The following FOXM1 variants were observed in gnomAD, a reference collection of about 807,000 sequenced individuals.
The protein encoded by FOXM1 is forkhead box protein M1.
FOXM1 carries 25 observed loss-of-function variants against 63.6 expected under a neutral mutation model. That is an observed-to-expected ratio of 0.39 (90% CI 0.29 to 0.55). The LOEUF (loss-of-function observed/expected upper bound fraction) is 0.55, where lower values mean the gene tolerates loss of function less well. FOXM1 is among the 20% of genes least tolerant of loss of function. The pLI, the probability that FOXM1 is intolerant of heterozygous loss-of-function variation, is 0.60. For synonymous variants in FOXM1, 387 were observed against 376.9 expected (o/e 1.03, Z -0.31); for missense variants, 879 against 958.7 (o/e 0.92, Z 1.10).
rs201504517 is a variant in FOXM1, at chr12:2,859,050, G to A, written c.1880C>T (p.Thr627Met). 3.6e-4 allele frequency: 587 copies of A among 1,608,596 alleles called. 9 individuals carry two copies. The South Asian group carries it at 5.9e-3, about 16-fold the overall frequency. Residue 627 changes from threonine to methionine, a missense_variant, in exon 9 of 9, where the codon ACG becomes ATG. Thr to Met is a moderately conservative substitution (Grantham distance 81). This residue lies in a region of FOXM1 where 486 missense variants were observed against 453.5 expected (regional missense o/e 1.07). Coordinates refer to ENST00000359843, the MANE Select transcript of FOXM1 (RefSeq NM_021953.4). ...LPRTPESWRLTPPAKVGGLDF... is the reference protein window; with the variant it reads ...LPRTPESWRLMPPAKVGGLDF... The stretch of plus-strand genomic sequence containing the variant: ...CAGTCCCCCTACTTTGGCTGGGGGC[G>A]TGAGCCTCCAGGATTCAGGGGTTCT...
rs1422914042 is a variant in FOXM1, at chr12:2,872,867, TATA to T, written c.503-623_503-621del. ...AAAAGTCACTTTTCAGCCTGGGCAA[TATA>T]GTGGGACCCCATCTCTGCAAAAAGA... On this transcript the variant is annotated intron_variant, in intron 2 of 8. Transcript: ENST00000359843. This position sits in a 1 kb window ranked among gnomAD's most constrained non-coding sequence, Gnocchi z 4.0. 6.6e-6 allele frequency among the ~76,000 whole-genome samples: 1 copy of T among 151,610 alleles called. No homozygotes were observed. Among genetic ancestry groups the T allele is most frequent in the African/African-American group, 2.4e-5 (1 of 41,218 alleles).
At position 2,858,561 on chromosome 12, in the gene FOXM1, TCA is replaced by T; in HGVS notation, c.*75_*76del. ...AACAGTCCCTGCCTGCTGTCCTCAC[TCA>T]GAGGCTTGGGGTGCACTGAGCCTTG... On this transcript the variant is annotated 3_prime_UTR_variant, in exon 9 of 9. Transcript: ENST00000359843. 1 of 1,315,378 alleles carries T rather than the reference TCA, an allele frequency of 7.6e-7. No homozygotes were observed. The highest frequency in any genetic ancestry group is 1.1e-6 in the Non-Finnish European group (1 of 950,142). The allele number at this position is 1,315,378 out of a possible 1,614,324, so 81.5% of individuals were successfully genotyped here.
At chr12:2,871,189 C>G (rs896563970) in intron 3 of FOXM1, among the ~76,000 whole-genome samples, 2 of 151,862 alleles carry the variant, frequency 1.3e-5, no homozygotes, top group African/African-American at 4.8e-5. Context: ...CATGTACCCC[C>G]TGAACCTAAA....
intron 8 of FOXM1, chr12:2,861,381 A>G (rs756725604): frequency 1.4e-6 from 1 of 700,292 alleles, no homozygotes; most frequent in Admixed American, 2.1e-5. Context: ...GAACTTACTC[A>G]TGTAACCAAA....
At position 2,872,381 on chromosome 12, in the gene FOXM1, G is replaced by A. The variant is rs2098134701; in HGVS notation, c.503-134C>T. On this transcript the variant is annotated intron_variant, in intron 2 of 8. Transcript: ENST00000359843. This position sits in a 1 kb window ranked among gnomAD's most constrained non-coding sequence, Gnocchi z 4.0. ...TCCTAGCACTTTGGGAGGGCGAGGC[G>A]GGTGGATCTCCTGAGGTCAGGAGTT... 1.3e-5 allele frequency: 11 copies of A among 822,772 alleles called. No homozygotes were observed. The highest frequency in any genetic ancestry group is 2.5e-5 in the Admixed American group (1 of 39,272). The allele number at this position is 822,772 out of a possible 1,614,324, so 51.0% of individuals were successfully genotyped here.
At position 2,874,639 on chromosome 12, in the gene FOXM1, G is replaced by A. The variant is rs2098138999; in HGVS notation, c.-47-114C>T. ...CAGGAACATGAGCCTAAAGGCCCAG[G>A]TAAACATTCCATGGACTTTTGTAAA... On this transcript the variant is annotated intron_variant, in intron 1 of 8. Coordinates refer to ENST00000359843, the MANE Select transcript of FOXM1 (RefSeq NM_021953.4). This position sits in a 1 kb window ranked among gnomAD's most constrained non-coding sequence, Gnocchi z 4.3. 7.1e-6 allele frequency: 5 copies of A among 707,722 alleles called. No homozygotes were observed. Among genetic ancestry groups the A allele is most frequent in the Non-Finnish European group, 9.5e-6 (4 of 423,228 alleles). 43.8% of individuals were successfully genotyped at this position (707,722 alleles called of 1,614,324 possible).
rs2098121272 is a variant in FOXM1, at chr12:2,865,380, G to GGA, written c.993_994dup (p.Pro332LeufsTer23). On this transcript the variant is annotated frameshift_variant, in exon 6 of 9. Coordinates refer to ENST00000359843, the MANE Select transcript of FOXM1 (RefSeq NM_021953.4). LOFTEE classifies it high-confidence loss of function. Reference sequence around the variant, plus strand: ...TGATTCCAAGTGCTCGGGCAATTGTGGAGACCCTGGGTCCAGTGGCTGGTG... The same window carrying GGA: ...TGATTCCAAGTGCTCGGGCAATTGTGGAGAGACCCTGGGTCCAGTGGCTGGTG... The GGA allele has an allele frequency of 6.2e-7, 1 of 1,610,892 alleles. No homozygotes were observed. Among genetic ancestry groups the GGA allele is most frequent in the African/African-American group, 1.3e-5 (1 of 74,790 alleles).
intron 4 of FOXM1, 196 bp downstream of exon 4, chr12:2,868,367 T>A: frequency 2.1e-6 from 1 of 469,264 alleles, no homozygotes; most frequent in Non-Finnish European, 3.7e-6. Context: ...TAGTAACACA[T>A]GAAGTAGTTA....
At chr12:2,866,606 G>C in intron 4 of FOXM1, 85 bp from the exon 5 acceptor site, 2 of 1,391,630 alleles carry the variant, frequency 1.4e-6, no homozygotes, top group Non-Finnish European at 1.9e-6. Context: ...ACCAGCCTCA[G>C]GCCCCTCCCA....
In FOXM1 at chr12:2,865,403, G is replaced by C; in HGVS notation, c.976-4C>G. ...GTGGAGACCCTGGGTCCAGTGGCTG[G>C]TGGCGGCCAGGCATTGTGGGAGAGA... On this transcript the variant is annotated splice_region_variant and splice_polypyrimidine_tract_variant and intron_variant, in intron 5 of 8. Coordinates refer to ENST00000359843, the MANE Select transcript of FOXM1 (RefSeq NM_021953.4). 1.2e-6 allele frequency: 2 copies of C among 1,610,192 alleles called. No homozygotes were observed. Among genetic ancestry groups the C allele is most frequent in the Non-Finnish European group, 1.7e-6 (2 of 1,177,900 alleles).
chr12:2,859,103 G>A lies in FOXM1; in HGVS notation c.1827C>T (p.Ser609=), dbSNP rs2098101558. 6.2e-7 allele frequency: 1 copy of A among 1,606,722 alleles called. No individual in the cohort carries two copies. Among genetic ancestry groups the A allele is most frequent in the African/African-American group, 1.3e-5 (1 of 74,876 alleles). ...KTPIKETLPI[S]STPSKSVLPR... Reference sequence around the variant, plus strand: ...GGAGGACAGATTTGCTCGGGGTGGAGGAGATGGGCAGCGTTTCCTTAATGG... The same window carrying A: ...GGAGGACAGATTTGCTCGGGGTGGAAGAGATGGGCAGCGTTTCCTTAATGG... Residue 609 remains serine (S), a synonymous_variant, in exon 9 of 9, where the codon TCC becomes TCT. Transcript: ENST00000359843.
chr12:2,874,248 G>A lies in FOXM1; in HGVS notation c.231C>T (p.Ala77=). 2 of 1,614,186 alleles carry A rather than the reference G, an allele frequency of 1.2e-6. No individual in the cohort carries two copies. Among genetic ancestry groups the A allele is most frequent in the African/African-American group, 2.7e-5 (2 of 75,042 alleles). The change falls in exon 2 of 9, where the codon GCC becomes GCT. Residue 77 remains alanine, a synonymous_variant. Transcript: ENST00000359843. This position sits in a 1 kb window ranked among gnomAD's most constrained non-coding sequence, Gnocchi z 4.3. ...HPTMPNTQVV[A]IPNNANIHSI... The stretch of plus-strand genomic sequence containing the variant: ...TGTGAATATTAGCATTGTTGGGGAT[G>A]GCCACTACTTGCGTGTTGGGCATGG...
chr12:2,862,438 C>T (rs1294334710), intron 8 of FOXM1, among the ~76,000 whole-genome samples: 1 of 152,080 alleles, frequency 6.6e-6, no homozygotes, highest in Non-Finnish European at 1.5e-5. Context: ...CATGAAAACC[C>T]AAACAGGGCA....
intron 8 of FOXM1, among the ~76,000 whole-genome samples, chr12:2,861,801 T>C (rs1250950650): frequency 6.6e-6 from 1 of 152,208 alleles, no homozygotes; most frequent in Admixed American, 6.5e-5. Flanking sequence ...AGCCACATCA[T>C]GGAATATTAC....
intron 8 of FOXM1, 143 bp from the exon 9 acceptor site, chr12:2,859,806 G>A: frequency 1.5e-6 from 1 of 647,384 alleles, no homozygotes; most frequent in Non-Finnish European, 2.6e-6. Context: ...TGTTGAAGTT[G>A]GTAGTTCAAT....
chr12:2,859,355 C>G lies in FOXM1; in HGVS notation c.1575G>C (p.Arg525=), dbSNP rs2098103486. The G allele has an allele frequency of 6.2e-7, 1 of 1,613,826 alleles. No homozygotes were observed. Residue 525 remains arginine, a synonymous_variant, in exon 9 of 9, where the codon CGG becomes CGC. Transcript: ENST00000359843. ...GAATCACAAGCATTTCCGAGACACA[C>G]CGGGTTGGGGACCTAAGCCCACTGT... ...KSYSGLRSPT[R]CVSEMLVIQH...
chr12:2,873,498 A>G (rs2098136736), intron 2 of FOXM1, among the ~76,000 whole-genome samples: 1 of 151,196 alleles, frequency 6.6e-6, no homozygotes, highest in Non-Finnish European at 1.5e-5. Context: ...GGATCCCTTG[A>G]GCTCAGGAGT....
intron 8 of FOXM1, among the ~76,000 whole-genome samples, chr12:2,862,207 T>A (rs966708418): frequency 9.4e-5 from 14 of 149,044 alleles, no homozygotes; most frequent in Non-Finnish European, 1.6e-4. Flanking sequence ...AAGAGACATG[T>A]AGAGAAGTAT....
intron 8 of FOXM1, chr12:2,861,332 G>A (rs1268380223): frequency 5.4e-6 from 4 of 739,714 alleles, no homozygotes; most frequent in Non-Finnish European, 9.9e-6. Flanking sequence ...TAAACAAGCT[G>A]GTGATGGGTG....
Sources: gnomAD v4.1 joint callset for allele counts (sites outside exome capture counted in the v4.1 genomes callset) on GRCh38, gnomAD v4.1.1 for gene constraint, gnomAD v4.1.1 regional missense constraint, Gnocchi (gnomAD v3.1) non-coding constraint, MANE v1.5 for transcripts, NCBI Gene and HGNC (gene_info 2026-07-23, HGNC 2026-07-21) for gene names.